The following KCNS3 variants were observed in gnomAD, a reference collection of about 807,000 sequenced individuals.
KCNS3 encodes the protein delayed-rectifier potassium channel regulatory subunit KCNS3.
A neutral mutation model predicts 31.0 loss-of-function variants in KCNS3; 13 were observed. The observed-to-expected ratio is 0.42, with a 90% CI of 0.27 to 0.67. The LOEUF is 0.67. KCNS3 is among the 30% of genes least tolerant of loss of function. KCNS3 has a pLI of 0.25. For synonymous variants in KCNS3, 238 were observed against 241.5 expected, an observed-to-expected ratio of 0.99 and a Z score of 0.13; for missense variants, 545 against 622.4, an observed-to-expected ratio of 0.88 and a Z score of 1.32.
chr2:17,892,687 C>T (rs182184256), intron 1 of KCNS3, among the ~76,000 whole-genome samples: 1 of 152,106 alleles, frequency 6.6e-6, no homozygotes, highest in Non-Finnish European at 1.5e-5. Context: ...AGCTGAACTG[C>T]AGTGATTGTT....
At chr2:17,926,513 A>G (rs1262897169) in intron 2 of KCNS3, among the ~76,000 whole-genome samples, 2 of 152,160 alleles carry the variant, frequency 1.3e-5, no homozygotes, top group Admixed American at 6.5e-5. Flanking sequence ...GCATTTCCAT[A>G]CATCCTCTGA....
intron 1 of KCNS3, among the ~76,000 whole-genome samples, chr2:17,888,672 T>TATAA (rs1661765015): frequency 7.7e-6 from 1 of 129,750 alleles, no homozygotes; most frequent in African/African-American, 3.0e-5. Flanking sequence ...TATATATATA[T>TATAA]AAAGAAAAGG....
At chr2:17,922,447 G>A (rs184629235) in intron 2 of KCNS3, among the ~76,000 whole-genome samples, 290 of 152,240 alleles carry the variant, frequency 1.9e-3, no homozygotes, top group Non-Finnish European at 2.3e-3. Context: ...GGGCTCAAGT[G>A]ATCCTCCTGC....
intron 1 of KCNS3, among the ~76,000 whole-genome samples, chr2:17,906,515 T>G (rs1025387128): frequency 6.6e-6 from 1 of 152,228 alleles, no homozygotes; most frequent in Non-Finnish European, 1.5e-5. Context: ...TTTGAATGTG[T>G]TTGCTCTTGC....
In KCNS3 at chr2:17,888,629, G is replaced by GTATATATA. The variant is rs70964021; in HGVS notation, c.-252+9860_-252+9867dup. Reference sequence around the variant, plus strand: ...GAACTTAAAGTATAATAAAAAAAATGTATATATATATATATATATATATAT... The same window carrying GTATATATA: ...GAACTTAAAGTATAATAAAAAAAATGTATATATATATATATATATATATATATATATAT... On this transcript the variant is annotated intron_variant, in intron 1 of 2. Transcript: ENST00000304101. Among the ~76,000 whole-genome samples the GTATATATA allele has an allele frequency of 4.2e-4, 39 of 92,346 alleles. 1 individual carries two copies. Among genetic ancestry groups the GTATATATA allele is most frequent in the East Asian group, 1.1e-3 (2 of 1,854 alleles). 60.6% of individuals were successfully genotyped at this position (92,346 alleles called of 152,430 possible).
chr2:17,920,144 A>G lies in KCNS3; in HGVS notation c.-60+2273A>G, dbSNP rs146052016. Among the ~76,000 whole-genome samples, 48 of 152,262 alleles carry G rather than the reference A, an allele frequency of 3.2e-4. No individual in the cohort carries two copies. In the East Asian group the frequency reaches 9.2e-3, roughly 29 times the overall value. On this transcript the variant is annotated intron_variant, in intron 2 of 2. Transcript: ENST00000304101. ...CAGTGTTAAATGCTGAAAATGGTGTATTTTTTTCTTTGATGAAAAAGGATT... is the reference window on the plus strand; with the variant it reads ...CAGTGTTAAATGCTGAAAATGGTGTGTTTTTTTCTTTGATGAAAAAGGATT...
intron 2 of KCNS3, among the ~76,000 whole-genome samples, chr2:17,919,104 C>T (rs1276138331): frequency 6.6e-6 from 1 of 152,234 alleles, no homozygotes; most frequent in Non-Finnish European, 1.5e-5. Flanking sequence ...GGTTGTTTGG[C>T]TCACTAAATC....
At chr2:17,906,247 T>C (rs1662311557) in intron 1 of KCNS3, among the ~76,000 whole-genome samples, 1 of 152,252 alleles carries the variant, frequency 6.6e-6, no homozygotes, top group Non-Finnish European at 1.5e-5. Flanking sequence ...TTTATTTGCA[T>C]AGAGATGTTT....
rs924656388 is a variant in KCNS3 at position 17,932,802 on chromosome 2, G to A, written c.*318G>A. 1 of 224,044 alleles carries A rather than the reference G, an allele frequency of 4.5e-6. No individual in the cohort carries two copies. Among genetic ancestry groups the A allele is most frequent in the African/African-American group, 2.3e-5 (1 of 43,198 alleles). The allele number at this position is 224,044 out of a possible 1,614,324, so 13.9% of individuals were successfully genotyped here. A position where few individuals can be genotyped will look rare whatever the true frequency, so the allele number is the denominator to read the frequency against. On this transcript the variant is annotated 3_prime_UTR_variant, in exon 3 of 3. Coordinates refer to ENST00000304101, the MANE Select transcript of KCNS3 (RefSeq NM_002252.5). ...TCTGTGTTTGTCATTTACTCACATT[G>A]AGCTAACTTTAAATTACTGACAAGT...
chr2:17,889,155 G>C (rs201958840), intron 1 of KCNS3, among the ~76,000 whole-genome samples: 2 of 151,956 alleles, frequency 1.3e-5, no homozygotes, highest in African/African-American at 4.8e-5. Context: ...CCTTTGTTAG[G>C]TATATTCCTA....
chr2:17,888,629 G>GTATATCTATC lies in KCNS3; in HGVS notation c.-252+9828_-252+9829insCTATCTATAT, dbSNP rs35102585. 1.9e-3 allele frequency among the ~76,000 whole-genome samples: 177 copies of GTATATCTATC among 92,360 alleles called. 10 individuals carry two copies. In the East Asian group the frequency reaches 0.025, roughly 13 times the overall value. 60.6% of individuals were successfully genotyped at this position (92,360 alleles called of 152,430 possible). ...GAACTTAAAGTATAATAAAAAAAAT[G>GTATATCTATC]TATATATATATATATATATATATAT... On this transcript the variant is annotated intron_variant, in intron 1 of 2. Transcript: ENST00000304101.
intron 1 of KCNS3, among the ~76,000 whole-genome samples, chr2:17,883,834 T>A (rs924791542): frequency 1.1e-4 from 16 of 152,086 alleles, no homozygotes; most frequent in Admixed American, 3.9e-4. Context: ...CTATTCACAA[T>A]AGCAAAGACT....
chr2:17,923,075 G>C (rs1448195488), intron 2 of KCNS3, among the ~76,000 whole-genome samples: 1 of 152,092 alleles, frequency 6.6e-6, no homozygotes, highest in Admixed American at 6.5e-5. Flanking sequence ...TGACACACAA[G>C]GGTTCCACTT....
chr2:17,922,729 T>G (rs1662746087), intron 2 of KCNS3, among the ~76,000 whole-genome samples: 1 of 152,128 alleles, frequency 6.6e-6, no homozygotes. Flanking sequence ...ATTATGGATA[T>G]TTCATATAAA....
intron 1 of KCNS3, among the ~76,000 whole-genome samples, chr2:17,892,017 T>C (rs1661868180): frequency 6.6e-6 from 1 of 152,222 alleles, no homozygotes; most frequent in East Asian, 1.9e-4. Context: ...CCCCCAAATA[T>C]GTTTTCCAAG....
intron 1 of KCNS3, among the ~76,000 whole-genome samples, chr2:17,914,311 C>A (rs1176225820): frequency 6.6e-6 from 1 of 152,208 alleles, no homozygotes; most frequent in African/African-American, 2.4e-5. Context: ...GAACCCAGAT[C>A]AGCAGGAGGC....
intron 1 of KCNS3, among the ~76,000 whole-genome samples, chr2:17,908,755 G>A (rs989374079): frequency 1.4e-4 from 22 of 152,242 alleles, no homozygotes; most frequent in African/African-American, 5.1e-4. Context: ...GGTATCAGCC[G>A]TGGAGGCTGC....
chr2:17,908,564 C>A (rs1662393903), intron 1 of KCNS3, among the ~76,000 whole-genome samples: 1 of 152,194 alleles, frequency 6.6e-6, no homozygotes, highest in African/African-American at 2.4e-5. Flanking sequence ...AGTTTTTCTG[C>A]TCTGTTTTTT....
At chr2:17,903,870 G>A (rs1662247899) in intron 1 of KCNS3, among the ~76,000 whole-genome samples, 4 of 152,132 alleles carry the variant, frequency 2.6e-5, no homozygotes. Flanking sequence ...ATGGACATTT[G>A]GGTTGGTTCC....
Sources: gnomAD v4.1 joint callset for allele counts (sites outside exome capture counted in the v4.1 genomes callset) on GRCh38, gnomAD v4.1.1 for gene constraint, MANE v1.5 for transcripts, NCBI Gene and HGNC (gene_info 2026-07-23, HGNC 2026-07-21) for gene names.